The following RBFOX1 variants were observed in gnomAD, a reference collection of about 807,000 sequenced individuals.
RBFOX1 encodes the protein RNA binding protein fox-1 homolog 1.
A neutral mutation model predicts 57.7 loss-of-function variants in RBFOX1; 8 were observed. The observed-to-expected ratio is 0.14, with a 90% CI of 0.08 to 0.25. The LOEUF is 0.25. Among genes scored for constraint, RBFOX1 ranks in the 10% least tolerant of loss-of-function variants. RBFOX1 has a pLI of 1.00. For synonymous variants in RBFOX1, 326 were observed against 222.4 expected (o/e 1.47, Z -4.15); for missense variants, 611 against 548.5 (o/e 1.11, Z -1.14).
At chr16:7,621,622 C>A (rs1357979855) in intron 10 of RBFOX1, among the ~76,000 whole-genome samples, 1 of 152,008 alleles carries the variant, frequency 6.6e-6, no homozygotes, top group Non-Finnish European at 1.5e-5. Flanking sequence ...TTTTTAAAAG[C>A]CTGTGTTTGA....
At chr16:7,557,809 C>T (rs1179464503) in intron 5 of RBFOX1, among the ~76,000 whole-genome samples, 1 of 151,774 alleles carries the variant, frequency 6.6e-6, no homozygotes, top group Admixed American at 6.6e-5. Context: ...GGAGAGGGCT[C>T]CAGAGACTGA....
chr16:6,909,790 C>G (rs1350606015), intron 3 of RBFOX1, among the ~76,000 whole-genome samples: 2 of 152,064 alleles, frequency 1.3e-5, no homozygotes, highest in Non-Finnish European at 2.9e-5. Flanking sequence ...TCCCTTATTA[C>G]CTGCAGCCAT....
At chr16:6,351,346 GTGTGTGTA>G (rs1298928437) in intron 2 of RBFOX1, among the ~76,000 whole-genome samples, 3 of 101,020 alleles carry the variant, frequency 3.0e-5, no homozygotes, top group African/African-American at 1.8e-4. Context: ...GTGTGTGTGT[GTGTGTGTA>G]TATATATATA....
chr16:7,449,597 A>G (rs981068282), intron 4 of RBFOX1, among the ~76,000 whole-genome samples: 28 of 151,714 alleles, frequency 1.8e-4, no homozygotes, highest in African/African-American at 6.8e-4. Context: ...TAGACTTGAA[A>G]TCTCTACTCA....
In RBFOX1 at chr16:5,842,996, C is replaced by CT. The variant is rs781133905; in HGVS notation, c.319-24299dup. Among the ~76,000 whole-genome samples, 28 of 151,474 alleles carry CT rather than the reference C, an allele frequency of 1.8e-4. 1 individual carries two copies. In the South Asian group the frequency reaches 2.3e-3, roughly 12 times the overall value. The stretch of plus-strand genomic sequence containing the variant: ...AGCATGTCTGGCTAATTGTTTTTTT[C>CT]TTTTTTTTCTTTAGTAGAGACGGGG... On this transcript the variant is annotated intron_variant, in intron 3 of 19. Coordinates refer to the RBFOX1 transcript ENST00000641259.
chr16:7,490,700 G>T (rs1193011471), intron 4 of RBFOX1, among the ~76,000 whole-genome samples: 1 of 152,150 alleles, frequency 6.6e-6, no homozygotes, highest in African/African-American at 2.4e-5. Context: ...GTTCAACTCT[G>T]GTTGAGGTGG....
At chr16:6,846,083 T>C (rs990415822) in intron 3 of RBFOX1, among the ~76,000 whole-genome samples, 1 of 152,206 alleles carries the variant, frequency 6.6e-6, no homozygotes, top group Admixed American at 6.5e-5. Context: ...CATTCATATT[T>C]CTGTACCACT....
intron 1 of RBFOX1, among the ~76,000 whole-genome samples, chr16:5,426,389 A>T (rs888821572): frequency 1.1e-4 from 16 of 152,204 alleles, no homozygotes; most frequent in African/African-American, 3.9e-4. Context: ...AAAGCATTAG[A>T]TAAAAGCACC....
rs559059219 is a variant in RBFOX1 at position 6,292,016 on chromosome 16, T to TA, written c.-126-24971dup. ...AGTTTGGGTCTGTGTTGTACAGGAG[T>TA]AAAAAAAATGGCTTTATGTCCACTG... On this transcript the variant is annotated intron_variant, in intron 1 of 15. Coordinates refer to ENST00000550418, the MANE Select transcript of RBFOX1 (RefSeq NM_018723.4). 4.3e-3 allele frequency among the ~76,000 whole-genome samples: 645 copies of TA among 151,406 alleles called. 3 individuals carry two copies. The highest frequency in any genetic ancestry group is 0.01 in the Middle Eastern group (3 of 294).
intron 3 of RBFOX1, among the ~76,000 whole-genome samples, chr16:6,727,557 G>C (rs922679820): frequency 3.3e-5 from 5 of 152,014 alleles, no homozygotes; most frequent in Non-Finnish European, 7.4e-5. Context: ...AGAGGGAACC[G>C]TACAAACAGC....
intron 4 of RBFOX1, among the ~76,000 whole-genome samples, chr16:7,188,557 G>A (rs138627928): frequency 5.9e-5 from 9 of 152,226 alleles, no homozygotes; most frequent in Non-Finnish European, 1.2e-4. Flanking sequence ...CACCCACCTC[G>A]TTCCCTGAAT....
chr16:6,501,315 G>A (rs1332589741), intron 2 of RBFOX1, among the ~76,000 whole-genome samples: 11 of 94,836 alleles, frequency 1.2e-4, no homozygotes, highest in Admixed American at 3.4e-4. Flanking sequence ...AACAGTCCCC[G>A]GTGTGTGATG....
intron 2 of RBFOX1, among the ~76,000 whole-genome samples, chr16:6,647,840 T>G (rs537349782): frequency 1.3e-5 from 2 of 152,216 alleles, no homozygotes; most frequent in African/African-American, 4.8e-5. Context: ...GGATAAGTGA[T>G]CCCCTTCTCT....
intron 3 of RBFOX1, among the ~76,000 whole-genome samples, chr16:5,736,655 G>C (rs1310293570): frequency 2.0e-5 from 3 of 151,972 alleles, no homozygotes; most frequent in Non-Finnish European, 4.4e-5. Context: ...TCTGTCACCT[G>C]GCATTTTCCT....
intron 3 of RBFOX1, among the ~76,000 whole-genome samples, chr16:5,729,458 G>A (rs1270907301): frequency 7.2e-6 from 1 of 139,516 alleles, no homozygotes; most frequent in African/African-American, 2.7e-5. Flanking sequence ...TTGAGCATCT[G>A]GTGGATAGAT....
In RBFOX1 at chr16:7,020,272, C is replaced by T. The variant is rs533069686; in HGVS notation, c.-15-31785C>T. Among the ~76,000 whole-genome samples the T allele has an allele frequency of 2.0e-5, 3 of 152,226 alleles. No homozygotes were observed. In the South Asian group the frequency reaches 6.2e-4, roughly 32 times the overall value. On this transcript the variant is annotated intron_variant, in intron 3 of 15. Transcript: ENST00000550418. Reference sequence around the variant, plus strand: ...ACAGAATCTTGCCCTGTTACCCAGGCTGGAGTGCAGAGGCACAGTCTTGGC... The same window carrying T: ...ACAGAATCTTGCCCTGTTACCCAGGTTGGAGTGCAGAGGCACAGTCTTGGC...
intron 3 of RBFOX1, among the ~76,000 whole-genome samples, chr16:5,635,017 G>C (rs953661248): frequency 1.3e-5 from 2 of 152,218 alleles, no homozygotes; most frequent in Non-Finnish European, 2.9e-5. Context: ...ATGTGATCAG[G>C]GTCAGGCAGT....
chr16:6,527,989 C>T (rs1244698340), intron 2 of RBFOX1, among the ~76,000 whole-genome samples: 1 of 152,148 alleles, frequency 6.6e-6, no homozygotes, highest in Non-Finnish European at 1.5e-5. Flanking sequence ...TTCATGCTCT[C>T]CTTACCTGTG....
At chr16:5,595,112 C>G (rs1437527016) in intron 2 of RBFOX1, among the ~76,000 whole-genome samples, 1 of 152,058 alleles carries the variant, frequency 6.6e-6, no homozygotes, top group Non-Finnish European at 1.5e-5. Flanking sequence ...TGCCACTGCA[C>G]TCTAGCCTGG....
Sources: allele counts gnomAD v4.1 joint callset (sites outside exome capture counted in the v4.1 genomes callset), GRCh38; gene constraint gnomAD v4.1.1; transcripts MANE v1.5; gene names NCBI Gene and HGNC (gene_info 2026-07-23, HGNC 2026-07-21).